The following TCF4 variants were observed in gnomAD, a reference collection of about 807,000 sequenced individuals.
The protein encoded by TCF4 is transcription factor 4, also known as SL3-3 enhancer factor 2.
In TCF4, 3 loss-of-function variants were observed where a neutral mutation model predicts 82.1. The observed-to-expected ratio is 0.04, with a 90% CI of 0.02 to 0.09. The LOEUF (loss-of-function observed/expected upper bound fraction) is 0.09. Among genes scored for constraint, TCF4 ranks in the 10% least tolerant of loss-of-function variants. The probability of loss-of-function intolerance (pLI) is 1.00; values close to 1 mark genes in which losing one functional copy is unlikely to be tolerated. For missense variants in TCF4, 518 were observed against 852.7 expected (o/e 0.61, Z 4.89); for synonymous variants, 276 against 309.6 (o/e 0.89, Z 1.14).
upstream of TCF4, among the ~76,000 whole-genome samples, chr18:55,590,956 GAC>G (rs2097684294): frequency 1.3e-5 from 2 of 152,194 alleles, no homozygotes; most frequent in Admixed American, 1.3e-4. Flanking sequence ...TATATTGAGT[GAC>G]AGAGCCCACC....
intron 3 of TCF4, among the ~76,000 whole-genome samples, chr18:55,576,009 T>C (rs1173831112): frequency 1.3e-5 from 2 of 152,212 alleles, no homozygotes; most frequent in Admixed American, 6.5e-5. Context: ...CCAGTGATGA[T>C]AATAAAAATT....
At chr18:55,394,120 G>A (rs1013040598) in intron 6 of TCF4, among the ~76,000 whole-genome samples, 7 of 152,146 alleles carry the variant, frequency 4.6e-5, no homozygotes, top group Admixed American at 2.6e-4. Flanking sequence ...TTATTTTACT[G>A]CAGGTATATT....
chr18:55,539,564 A>G (rs2097146991), intron 3 of TCF4, among the ~76,000 whole-genome samples: 2 of 152,188 alleles, frequency 1.3e-5, no homozygotes, highest in Admixed American at 6.5e-5. Flanking sequence ...AAAGGAGACA[A>G]ACATCCCAGA....
At chr18:55,418,005 G>A (rs2094581395) in intron 5 of TCF4, among the ~76,000 whole-genome samples, 1 of 25,796 alleles carries the variant, frequency 3.9e-5, no homozygotes, top group Non-Finnish European at 6.4e-5. Flanking sequence ...TTGAGCAAAT[G>A]TGTGTGTGTG....
chr18:55,280,801 A>G (rs1040925204), intron 8 of TCF4, among the ~76,000 whole-genome samples: 1 of 152,176 alleles, frequency 6.6e-6, no homozygotes, highest in Admixed American at 6.6e-5. Context: ...TGCACATCGA[A>G]TAAACACCCC....
chr18:55,492,697 G>T (rs1013735601), intron 3 of TCF4, among the ~76,000 whole-genome samples: 1 of 152,162 alleles, frequency 6.6e-6, no homozygotes, highest in Non-Finnish European at 1.5e-5. Flanking sequence ...AGATATTGCT[G>T]GTCCTGAGAT....
intron 8 of TCF4, among the ~76,000 whole-genome samples, chr18:55,281,755 T>C (rs2146318302): frequency 6.6e-6 from 1 of 151,956 alleles, no homozygotes; most frequent in East Asian, 1.9e-4. Flanking sequence ...GGCATTGCTT[T>C]TGGAAGATAA....
chr18:55,474,417 C>T (rs7241736), intron 3 of TCF4, among the ~76,000 whole-genome samples: 1,834 of 152,206 alleles, frequency 0.012, 47 homozygotes, highest in African/African-American at 0.041. Flanking sequence ...AGAAAAAATG[C>T]GACAATATTA....
chr18:55,233,316 C>T (rs1441219530), intron 16 of TCF4, among the ~76,000 whole-genome samples: 6 of 152,192 alleles, frequency 3.9e-5, no homozygotes, highest in East Asian at 1.9e-4. Context: ...AAGTATTCCT[C>T]TTTATTTGTA....
intron 12 of TCF4, 102 bp downstream of exon 12, chr18:55,261,364 A>AG: frequency 1.4e-6 from 2 of 1,413,818 alleles, no homozygotes; most frequent in East Asian, 4.6e-5. Context: ...CAAAAATCAA[A>AG]GCTATTTGCC....
chr18:55,312,541 C>G (rs1297278526), intron 8 of TCF4, among the ~76,000 whole-genome samples: 1 of 152,110 alleles, frequency 6.6e-6, no homozygotes, highest in Non-Finnish European at 1.5e-5. Context: ...GGTAAAGCAG[C>G]TTCTCTAGTC....
chr18:55,271,613 C>A (rs781634425), intron 10 of TCF4, among the ~76,000 whole-genome samples: 1 of 152,104 alleles, frequency 6.6e-6, no homozygotes, highest in East Asian at 1.9e-4. Flanking sequence ...TTTCCAAGTT[C>A]CTGAGAATGC....
intron 2 of TCF4, among the ~76,000 whole-genome samples, chr18:55,597,256 T>C (rs576169876): frequency 3.3e-5 from 5 of 152,194 alleles, no homozygotes; most frequent in Non-Finnish European, 7.3e-5. Context: ...ATGGCCCTCA[T>C]TGCTTTGCTA....
intron 6 of TCF4, among the ~76,000 whole-genome samples, chr18:55,395,700 C>G (rs1175809104): frequency 2.0e-5 from 3 of 151,906 alleles, no homozygotes; most frequent in African/African-American, 7.3e-5. Flanking sequence ...ATAATGTGAT[C>G]TATAATGAAT....
At chr18:55,515,123 G>A (rs1328337484) in intron 3 of TCF4, among the ~76,000 whole-genome samples, 1 of 152,098 alleles carries the variant, frequency 6.6e-6, no homozygotes, top group Admixed American at 6.6e-5. Context: ...ACCTGTTCTT[G>A]TTCAGCCCTG....
At chr18:55,593,141 C>T (rs1406904571), upstream of TCF4, among the ~76,000 whole-genome samples, 3 of 152,194 alleles carry the variant, frequency 2.0e-5, no homozygotes, top group African/African-American at 4.8e-5. Context: ...TTCACTCACA[C>T]ATGATAGAGA....
intron 5 of TCF4, among the ~76,000 whole-genome samples, chr18:55,460,668 A>T (rs374112557): frequency 8.5e-5 from 13 of 152,214 alleles, no homozygotes; most frequent in East Asian, 5.8e-4. Context: ...AAGCCCAGTG[A>T]TATTTTTATT....
intron 3 of TCF4, among the ~76,000 whole-genome samples, chr18:55,570,331 A>T (rs1399315167): frequency 6.6e-6 from 1 of 152,208 alleles, no homozygotes; most frequent in Non-Finnish European, 1.5e-5. Flanking sequence ...TAATTACGTG[A>T]CTATCTTAAA....
At chr18:55,544,396 T>C (rs2097188318) in intron 3 of TCF4, among the ~76,000 whole-genome samples, 1 of 152,140 alleles carries the variant, frequency 6.6e-6, no homozygotes, top group Non-Finnish European at 1.5e-5. Context: ...GGTAAACAAA[T>C]CACAGAGAAG....
Sources: gnomAD v4.1 joint callset for allele counts (sites outside exome capture counted in the v4.1 genomes callset) on GRCh38, gnomAD v4.1.1 for gene constraint, MANE v1.5 for transcripts, NCBI Gene and HGNC (gene_info 2026-07-23, HGNC 2026-07-21) for gene names.